Variants in C16orf89 observed in about 807,000 individuals in gnomAD.
The protein encoded by C16orf89 is chromosome 16 open reading frame 89.
C16orf89 carries 57 observed loss-of-function variants against 41.5 expected under a neutral mutation model. The ratio of observed to expected loss-of-function variants is 1.38; its 90% confidence interval spans 1.11 to 1.71. The LOEUF (loss-of-function observed/expected upper bound fraction) is 1.71, where lower values mean the gene tolerates loss of function less well. Ranked by LOEUF, C16orf89 falls within the 40% of genes most tolerant of loss-of-function variation. C16orf89 has a pLI of 0.00. For missense variants in C16orf89, 575 were observed against 445.9 expected (o/e 1.29, Z -2.61); for synonymous variants, 223 against 190.6 (o/e 1.17, Z -1.40).
chr16:5,045,420 C>T (rs566261877), intron 7 of C16orf89, among the ~76,000 whole-genome samples: 2 of 152,184 alleles, frequency 1.3e-5, no homozygotes, highest in African/African-American at 4.8e-5. Flanking sequence ...GTAGTTAGTT[C>T]TTTGAGCTCA....
chr16:5,057,585 G>C (rs1956537868), intron 4 of C16orf89, among the ~76,000 whole-genome samples: 1 of 151,136 alleles, frequency 6.6e-6, no homozygotes, highest in South Asian at 2.1e-4. Context: ...ATATAATGTA[G>C]TAGCATGATC....
At chr16:5,049,400 A>G (rs1184139539) in intron 6 of C16orf89, among the ~76,000 whole-genome samples, 4 of 152,250 alleles carry the variant, frequency 2.6e-5, no homozygotes, top group African/African-American at 7.2e-5. Context: ...TGCAGAATAT[A>G]TATTCTTCTC....
chr16:5,052,602 A>G lies in C16orf89; in HGVS notation c.868+2644T>C, dbSNP rs938471188. 6.3e-4 allele frequency among the ~76,000 whole-genome samples: 73 copies of G among 115,266 alleles called. No homozygotes were observed. In the Middle Eastern group the frequency reaches 0.026, roughly 41 times the overall value. The allele number at this position is 115,266 out of a possible 152,430, so 75.6% of individuals were successfully genotyped here. On this transcript the variant is annotated intron_variant, in intron 6 of 7. Transcript: ENST00000472572. ...TGAGACCCTGTCTAAAAAGAAAGAA[A>G]GAAAAAAAAAAAAGACAACAGATAA...
intron 6 of C16orf89, among the ~76,000 whole-genome samples, chr16:5,048,650 GA>G (rs1286033080): frequency 6.6e-6 from 1 of 151,682 alleles, no homozygotes; most frequent in African/African-American, 2.4e-5. Context: ...CATCTGAAAA[GA>G]AAAAGACAAT....
chr16:5,044,014 A>AT, downstream of C16orf89: 11 of 553,340 alleles, frequency 2.0e-5, no homozygotes, highest in Admixed American at 6.3e-5. Flanking sequence ...AAAAAAAAAA[A>AT]GGAAAAAAGA....
At chr16:5,055,651 CA>C in intron 5 of C16orf89, 1 of 1,514,166 alleles carries the variant, frequency 6.6e-7, no homozygotes, top group Non-Finnish European at 8.9e-7. Context: ...CTGTCTGCCT[CA>C]TCCATAAGGC....
At chr16:5,048,752 A>G (rs1956346860) in intron 6 of C16orf89, among the ~76,000 whole-genome samples, 1 of 152,244 alleles carries the variant, frequency 6.6e-6, no homozygotes, top group Non-Finnish European at 1.5e-5. Flanking sequence ...AACTATCACT[A>G]GAGAAAAGCC....
intron 2 of C16orf89, among the ~76,000 whole-genome samples, chr16:5,060,660 G>A (rs752188325): frequency 8.5e-5 from 13 of 152,100 alleles, no homozygotes; most frequent in Non-Finnish European, 1.6e-4. Flanking sequence ...GTGATGGGAC[G>A]GGATTTGACT....
At chr16:5,044,970 C>T in intron 7 of C16orf89, 1 of 1,174,714 alleles carries the variant, frequency 8.5e-7, no homozygotes, top group Non-Finnish European at 1.1e-6. Flanking sequence ...CTAAGGGCTC[C>T]CTTCTCTGGG....
intron 6 of C16orf89, 44 bp from the exon 7 acceptor site, chr16:5,048,008 T>G (rs772023934): frequency 9.7e-7 from 1 of 1,029,862 alleles, no homozygotes; most frequent in Non-Finnish European, 1.5e-6. Flanking sequence ...GAGATTTTTA[T>G]TTTTTACATT....
intron 7 of C16orf89, chr16:5,044,682 A>G (rs1956262575): frequency 9.0e-7 from 1 of 1,113,410 alleles, no homozygotes; most frequent in Non-Finnish European, 1.2e-6. Flanking sequence ...TCTCTACTAA[A>G]AAAATATAAA....
At chr16:5,053,799 G>A (rs1956440200) in intron 6 of C16orf89, among the ~76,000 whole-genome samples, 1 of 152,164 alleles carries the variant, frequency 6.6e-6, no homozygotes, top group African/African-American at 2.4e-5. Context: ...TGCCTGCCTT[G>A]GCCTCCCAAA....
At chr16:5,062,310 G>T (rs2142673907) in intron 2 of C16orf89, 115 bp downstream of exon 2, 2 of 1,288,280 alleles carry the variant, frequency 1.6e-6, no homozygotes, top group Non-Finnish European at 2.1e-6. Context: ...GGTCCAAGTT[G>T]GTTACGGACT....
Position 5,062,535 on chromosome 16 carries a change from G to T in C16orf89, c.248C>A (p.Pro83His). The stretch of plus-strand genomic sequence containing the variant: ...GCGCAGGCTCAGCGGCTGCAGCAGG[G>T]GCTCCTGGGCCCACTTCTCCCGGAC... ...KSVREKWAQEPLLQPLSLRVG... is the reference protein window; with the variant it reads ...KSVREKWAQEHLLQPLSLRVG... Residue 83 changes from proline to histidine, a missense_variant, in exon 2 of 8, where the codon CCC (proline) becomes CAC (histidine). Physicochemically the swap from Pro to His is moderately conservative, Grantham distance 77. Transcript: ENST00000472572. 1 of 1,613,630 alleles carries T rather than the reference G, an allele frequency of 6.2e-7. No individual in the cohort carries two copies. The highest frequency in any genetic ancestry group is 8.5e-7 in the Non-Finnish European group (1 of 1,179,728).
At chr16:5,064,719 A>T (rs1956699519) in intron 1 of C16orf89, among the ~76,000 whole-genome samples, 1 of 152,072 alleles carries the variant, frequency 6.6e-6, no homozygotes, top group Non-Finnish European at 1.5e-5. Flanking sequence ...TTGAGAGGAG[A>T]AGGGGCAGTG....
intron 6 of C16orf89, among the ~76,000 whole-genome samples, chr16:5,052,099 C>CAAAAAAAAAAAAAAAAAAAAAAAGAAA (rs35641084): frequency 1.3e-5 from 1 of 78,732 alleles, no homozygotes; most frequent in Non-Finnish European, 2.4e-5. Context: ...GAGACTGTCT[C>CAAAAAAAAAAAAAAAAAAAAAAAGAAA]AAAAAAAAAA....
intron 7 of C16orf89, among the ~76,000 whole-genome samples, chr16:5,045,479 G>C (rs986217423): frequency 6.6e-6 from 1 of 152,162 alleles, no homozygotes; most frequent in South Asian, 2.1e-4. Flanking sequence ...TTGTGGAAGG[G>C]AGCCAGGAAT....
chr16:5,047,629 A>T (rs1188193746), intron 7 of C16orf89, among the ~76,000 whole-genome samples: 1 of 151,942 alleles, frequency 6.6e-6, no homozygotes, highest in East Asian at 1.9e-4. Flanking sequence ...CACCATGCCC[A>T]GCTAAGTTTT....
chr16:5,053,238 C>T (rs765622121), intron 6 of C16orf89, among the ~76,000 whole-genome samples: 5 of 151,984 alleles, frequency 3.3e-5, no homozygotes, highest in Admixed American at 2.0e-4. Context: ...GGCGTGGTGG[C>T]ATGCACCTGT....
Sources: allele counts gnomAD v4.1 joint callset (sites outside exome capture counted in the v4.1 genomes callset), GRCh38; gene constraint gnomAD v4.1.1; transcripts MANE v1.5; gene names NCBI Gene and HGNC (gene_info 2026-07-23, HGNC 2026-07-21).